ZNF536: variants seen among roughly 807,000 people sequenced by gnomAD.
ZNF536 encodes zinc finger protein 536.
ZNF536 carries 13 observed loss-of-function variants against 84.5 expected under a neutral mutation model. The ratio of observed to expected loss-of-function variants is 0.15; its 90% CI spans 0.10 to 0.24. ZNF536 has a LOEUF of 0.24. Among genes scored for constraint, ZNF536 ranks in the 10% least tolerant of loss-of-function variants. The pLI, the probability that ZNF536 is intolerant of heterozygous loss-of-function variation, is 1.00. For synonymous variants in ZNF536, 811 were observed against 742.5 expected (o/e 1.09, Z -1.50); for missense variants, 1,536 against 1,747.5 (o/e 0.88, Z 2.16).
rs372963018 is a variant in ZNF536 at position 30,267,813 on chromosome 19, C to T, written c.-189-16259C>T. On this transcript the variant is annotated intron_variant, in intron 1 of 5. Coordinates refer to the ZNF536 transcript ENST00000585628. ...CCCTGGTATTGATAGTGAGTTTTCA[C>T]AGTGCTTTGCGAGTCTCGCTTTCTT... 2.5e-3 allele frequency among the ~76,000 whole-genome samples: 385 copies of T among 152,176 alleles called. 3 individuals carry two copies. The highest frequency in any genetic ancestry group is 8.9e-3 in the African/African-American group (371 of 41,522).
chr19:30,511,850 C>T (rs764933712), intron 2 of ZNF536, among the ~76,000 whole-genome samples: 4 of 152,050 alleles, frequency 2.6e-5, no homozygotes, highest in African/African-American at 9.7e-5. Flanking sequence ...GAGACAATCA[C>T]GAAGAATTAA....
At chr19:30,711,120 T>C (rs2052441745) in exon 2 of ZNF536, 1 of 151,536 alleles carries the variant, frequency 6.6e-6, no homozygotes, top group South Asian at 2.1e-4. Flanking sequence ...CAATAGTGTA[T>C]AGAACATTTA....
At chr19:30,602,742 C>T (rs1381979198) in intron 1 of ZNF536, among the ~76,000 whole-genome samples, 1 of 152,086 alleles carries the variant, frequency 6.6e-6, no homozygotes, top group Non-Finnish European at 1.5e-5. Flanking sequence ...TGGGAGGATC[C>T]CAGGTGCCAG....
intron 1 of ZNF536, among the ~76,000 whole-genome samples, chr19:30,598,247 A>G (rs60260303): frequency 0.052 from 7,869 of 152,214 alleles, 714 homozygotes; most frequent in African/African-American, 0.18. Context: ...CAGCTCTATC[A>G]TCTGTGAGAG....
At chr19:30,490,726 G>C (rs1211606228) in intron 2 of ZNF536, among the ~76,000 whole-genome samples, 1 of 152,102 alleles carries the variant, frequency 6.6e-6, no homozygotes, top group Non-Finnish European at 1.5e-5. Context: ...TGTTTGCTAG[G>C]GTCCACTACC....
intron 1 of ZNF536, among the ~76,000 whole-genome samples, chr19:30,275,703 T>C (rs983229454): frequency 1.3e-5 from 2 of 152,148 alleles, no homozygotes; most frequent in Non-Finnish European, 2.9e-5. Flanking sequence ...CCTCATAAGA[T>C]GGATGCAAGG....
At chr19:30,269,265 A>G (rs2025689517) in intron 1 of ZNF536, among the ~76,000 whole-genome samples, 1 of 152,138 alleles carries the variant, frequency 6.6e-6, no homozygotes, top group Non-Finnish European at 1.5e-5. Context: ...GGGTGTCCGG[A>G]GAGGAGCAGG....
At chr19:30,660,512 A>G (rs180806498) in intron 1 of ZNF536, among the ~76,000 whole-genome samples, 110 of 152,350 alleles carry the variant, frequency 7.2e-4, no homozygotes, top group African/African-American at 2.6e-3. Flanking sequence ...AATTGACTTC[A>G]GGCCCCAAAA....
At chr19:30,508,869 CCAGGCTGGAGTA>C (rs1384134119) in intron 2 of ZNF536, among the ~76,000 whole-genome samples, 2 of 140,398 alleles carry the variant, frequency 1.4e-5, no homozygotes, top group Non-Finnish European at 3.0e-5. Flanking sequence ...GCTCTGTCAC[CCAGGCTGGAGTA>C]CAGTGGCATG....
intron 1 of ZNF536, among the ~76,000 whole-genome samples, chr19:30,574,896 A>G (rs1029930198): frequency 1.3e-5 from 2 of 152,320 alleles, no homozygotes; most frequent in East Asian, 3.9e-4. Flanking sequence ...TGAGAGGCTA[A>G]GGTCTAGCGT....
downstream of ZNF536, among the ~76,000 whole-genome samples, chr19:30,563,059 C>A (rs542106751): frequency 6.6e-6 from 1 of 152,264 alleles, no homozygotes; most frequent in South Asian, 2.1e-4. Context: ...TGGAGGTTGT[C>A]GAGTCACCCT....
At chr19:30,406,542 T>C (rs1242378702) in intron 1 of ZNF536, among the ~76,000 whole-genome samples, 2 of 152,134 alleles carry the variant, frequency 1.3e-5, no homozygotes, top group Non-Finnish European at 2.9e-5. Flanking sequence ...AGATAGGAAA[T>C]GCGTATTTTT....
intron 2 of ZNF536, among the ~76,000 whole-genome samples, chr19:30,454,696 G>T (rs565796031): frequency 6.6e-6 from 1 of 152,120 alleles, no homozygotes; most frequent in African/African-American, 2.4e-5. Flanking sequence ...CTCTGGCTGG[G>T]GCCAGACCCC....
At chr19:30,542,083 C>T (rs1389963091) in intron 3 of ZNF536, among the ~76,000 whole-genome samples, 2 of 152,032 alleles carry the variant, frequency 1.3e-5, no homozygotes, top group African/African-American at 2.4e-5. Flanking sequence ...AAAAGTGAAA[C>T]ACTTTTGGAG....
In ZNF536 at chr19:30,533,519, C is replaced by CA. The variant is rs111353893; in HGVS notation, c.2171-1313dup. Among the ~76,000 whole-genome samples the CA allele has an allele frequency of 7.5e-3, 890 of 119,200 alleles. 9 individuals carry two copies. The highest frequency in any genetic ancestry group is 0.051 in the South Asian group (189 of 3,676). The allele number at this position is 119,200 out of a possible 152,430, so 78.2% of individuals were successfully genotyped here. A position where few individuals can be genotyped will look rare whatever the true frequency, so the allele number is the denominator to read the frequency against. On this transcript the variant is annotated intron_variant, in intron 2 of 4. Transcript: ENST00000355537. ...TGGGTGACAAAATGAGACGCTGTCT[C>CA]AAAAAAAAAAAAAAAGAATTAAATG...
intron 2 of ZNF536, chr19:30,284,281 CA>C (rs2045554060): frequency 6.6e-6 from 1 of 152,238 alleles, no homozygotes; most frequent in Admixed American, 6.5e-5. Context: ...TGGGAGGTAG[CA>C]TGGGTTCCAT....
intron 2 of ZNF536, among the ~76,000 whole-genome samples, chr19:30,524,620 A>G (rs528432648): frequency 6.6e-6 from 1 of 152,228 alleles, no homozygotes; most frequent in Non-Finnish European, 1.5e-5. Flanking sequence ...GACCAAATAC[A>G]TTTTAAAAAA....
At chr19:30,584,595 C>T (rs2047033325) in intron 1 of ZNF536, among the ~76,000 whole-genome samples, 1 of 152,234 alleles carries the variant, frequency 6.6e-6, no homozygotes, top group African/African-American at 2.4e-5. Context: ...CAGCTTCTCT[C>T]TGCCAATCCA....
chr19:30,351,485 G>A (rs1352858485), intron 2 of ZNF536, among the ~76,000 whole-genome samples: 1 of 152,202 alleles, frequency 6.6e-6, no homozygotes, highest in Admixed American at 6.5e-5. Flanking sequence ...ATATGTTAAT[G>A]ATGCCTCTTT....
Sources: allele counts gnomAD v4.1 joint callset (sites outside exome capture counted in the v4.1 genomes callset), GRCh38; gene constraint gnomAD v4.1.1; transcripts MANE v1.5; gene names NCBI Gene and HGNC (gene_info 2026-07-23, HGNC 2026-07-21).